ANGPT1: variants seen among roughly 807,000 people sequenced by gnomAD.
ANGPT1 encodes the protein angiopoietin-1.
ANGPT1 carries 17 observed loss-of-function variants against 62.2 expected under a neutral mutation model. The ratio of observed to expected loss-of-function variants is 0.27; its 90% confidence interval spans 0.19 to 0.41. The LOEUF is 0.41. ANGPT1 is among the 10% of genes least tolerant of loss of function. ANGPT1 has a pLI of 1.00. For synonymous variants in ANGPT1, 199 were observed against 198.9 expected (o/e 1.00, Z 0.00); for missense variants, 478 against 594.9 (o/e 0.80, Z 2.04).
At chr8:107,443,849 A>G (rs575104576) in intron 1 of ANGPT1, among the ~76,000 whole-genome samples, 4 of 151,862 alleles carry the variant, frequency 2.6e-5, no homozygotes, top group Admixed American at 2.6e-4. Context: ...ATACTAGTAT[A>G]CCACTCTAAC....
rs182655901 is a variant in ANGPT1 at position 107,249,649 on chromosome 8, G to A, written c.*2206C>T. On this transcript the variant is annotated 3_prime_UTR_variant, in exon 9 of 9. Transcript: ENST00000517746. ...ATGTTAAATTGCCATAAACATGTAC[G>A]TATTACATAATACACATAACAATCA... 50 of 152,104 alleles carry A rather than the reference G, an allele frequency of 3.3e-4. 1 individual carries two copies. The East Asian group carries it at 7.2e-3, about 22-fold the overall frequency. 9.4% of individuals were successfully genotyped at this position (152,104 alleles called of 1,614,324 possible).
intron 7 of ANGPT1, among the ~76,000 whole-genome samples, chr8:107,279,746 TACAC>T (rs148069454): frequency 2.1e-5 from 3 of 146,174 alleles, no homozygotes; most frequent in African/African-American, 5.2e-5. Flanking sequence ...CACACACGTG[TACAC>T]ACACACACAC....
chr8:107,493,696 C>T (rs1813024101), intron 1 of ANGPT1, among the ~76,000 whole-genome samples: 1 of 150,206 alleles, frequency 6.7e-6, no homozygotes, highest in Non-Finnish European at 1.5e-5. Flanking sequence ...TATTGCATAT[C>T]TGTTATAAAT....
chr8:107,352,733 C>T (rs2130177467), intron 1 of ANGPT1, among the ~76,000 whole-genome samples: 1 of 152,226 alleles, frequency 6.6e-6, no homozygotes, highest in South Asian at 2.1e-4. Context: ...GCATTGTTCA[C>T]TTAAAATATG....
intron 1 of ANGPT1, among the ~76,000 whole-genome samples, chr8:107,418,639 G>T (rs1810815002): frequency 1.3e-5 from 2 of 152,240 alleles, no homozygotes; most frequent in African/African-American, 2.4e-5. Flanking sequence ...AGATAAAAAA[G>T]AATAATGGCT....
At chr8:107,464,501 G>C (rs1376411384) in intron 1 of ANGPT1, among the ~76,000 whole-genome samples, 2 of 151,890 alleles carry the variant, frequency 1.3e-5, no homozygotes, top group East Asian at 1.9e-4. Context: ...CTATATTCTA[G>C]GTGGTGTACT....
At chr8:107,476,417 A>G (rs1812530662) in intron 1 of ANGPT1, among the ~76,000 whole-genome samples, 1 of 151,964 alleles carries the variant, frequency 6.6e-6, no homozygotes, top group Non-Finnish European at 1.5e-5. Context: ...GGGGAACATC[A>G]CACACCAGGG....
intron 1 of ANGPT1, among the ~76,000 whole-genome samples, chr8:107,407,267 T>TC (rs1704347249): frequency 6.3e-5 from 3 of 47,894 alleles, no homozygotes; most frequent in Non-Finnish European, 1.3e-4. Context: ...ATGTAGACCA[T>TC]GTTTTTTTTT....
At chr8:107,484,675 G>C (rs1812772841) in intron 1 of ANGPT1, among the ~76,000 whole-genome samples, 1 of 152,168 alleles carries the variant, frequency 6.6e-6, no homozygotes, top group Admixed American at 6.5e-5. Flanking sequence ...GAAAGTGATG[G>C]ATTACAGACA....
At position 107,420,084 on chromosome 8, in the gene ANGPT1, C is replaced by A. The variant is rs536499121; in HGVS notation, c.298-72987G>T. On this transcript the variant is annotated intron_variant, in intron 1 of 8. Transcript: ENST00000517746. ...AGATACCATGAAGCTTTTACAGAAGCTTTTAGGATTTCTATAATTGATTTT... is the reference window on the plus strand; with the variant it reads ...AGATACCATGAAGCTTTTACAGAAGATTTTAGGATTTCTATAATTGATTTT... 9.9e-5 allele frequency among the ~76,000 whole-genome samples: 15 copies of A among 152,218 alleles called. No individual in the cohort carries two copies. In the East Asian group the frequency reaches 1.2e-3, roughly 12 times the overall value.
At chr8:107,310,704 C>G (rs1397016500) in intron 4 of ANGPT1, among the ~76,000 whole-genome samples, 1 of 152,152 alleles carries the variant, frequency 6.6e-6, no homozygotes, top group Non-Finnish European at 1.5e-5. Context: ...CAAGAGCTAA[C>G]AGAGGATAAG....
At chr8:107,415,989 G>A (rs1810730156) in intron 1 of ANGPT1, among the ~76,000 whole-genome samples, 1 of 151,976 alleles carries the variant, frequency 6.6e-6, no homozygotes, top group Admixed American at 6.6e-5. Context: ...TATAATCATG[G>A]GATAATCTGA....
At chr8:107,370,845 G>A (rs10101127) in intron 1 of ANGPT1, among the ~76,000 whole-genome samples, 112,542 of 151,116 alleles carry the variant, frequency 0.74, 42,729 homozygotes, top group East Asian at 0.87. Flanking sequence ...ATGATAATGG[G>A]AAAGTTCTAA....
chr8:107,371,230 T>C (rs1816404071), intron 1 of ANGPT1, among the ~76,000 whole-genome samples: 1 of 152,198 alleles, frequency 6.6e-6, no homozygotes, highest in South Asian at 2.1e-4. Flanking sequence ...AGTGTTTACT[T>C]TTAGGCTTTC....
intron 1 of ANGPT1, among the ~76,000 whole-genome samples, chr8:107,370,745 A>T (rs374667576): frequency 6.6e-6 from 1 of 150,598 alleles, no homozygotes; most frequent in South Asian, 2.1e-4. Context: ...AGGAAGGAAG[A>T]AAAGAAGGAA....
intron 1 of ANGPT1, among the ~76,000 whole-genome samples, chr8:107,353,417 C>T (rs148671890): frequency 2.8e-4 from 42 of 152,304 alleles, no homozygotes; most frequent in African/African-American, 8.9e-4. Context: ...ACCCACCCCA[C>T]ATTTCTTTCC....
At chr8:107,341,613 A>G (rs1032465492) in intron 2 of ANGPT1, among the ~76,000 whole-genome samples, 4 of 148,256 alleles carry the variant, frequency 2.7e-5, no homozygotes, top group African/African-American at 9.8e-5. Context: ...TTTTATTTAT[A>G]ATGGTAATAC....
chr8:107,343,987 A>G (rs1815750324), intron 2 of ANGPT1, among the ~76,000 whole-genome samples: 1 of 152,154 alleles, frequency 6.6e-6, no homozygotes, highest in Non-Finnish European at 1.5e-5. Context: ...ACCTGAGACC[A>G]GAAGGTTGAG....
chr8:107,391,821 A>G (rs1389677157), intron 1 of ANGPT1, among the ~76,000 whole-genome samples: 1 of 152,208 alleles, frequency 6.6e-6, no homozygotes, highest in African/African-American at 2.4e-5. Context: ...TACACTGAAT[A>G]TGGTAGGCAA....
Sources: allele counts gnomAD v4.1 joint callset (sites outside exome capture counted in the v4.1 genomes callset), GRCh38; gene constraint gnomAD v4.1.1; transcripts MANE v1.5; gene names NCBI Gene and HGNC (gene_info 2026-07-23, HGNC 2026-07-21).